P2RY6: variants seen among roughly 807,000 people sequenced by gnomAD.
P2RY6 encodes the protein pyrimidinergic receptor P2Y6, also known as P2Y purinoceptor 6.
P2RY6 carries 19 observed loss-of-function variants against 16.3 expected under a neutral mutation model. The observed-to-expected ratio is 1.16, with a 90% CI of 0.81 to 1.71. The LOEUF (loss-of-function observed/expected upper bound fraction) is 1.71, where lower values mean the gene tolerates loss of function less well. Ranked by LOEUF, P2RY6 falls within the 40% of genes most tolerant of loss-of-function variation. P2RY6 has a pLI of 0.00. For synonymous variants in P2RY6, 184 were observed against 201.5 expected, an observed-to-expected ratio of 0.91 and a Z score of 0.74; for missense variants, 389 against 455.5, an observed-to-expected ratio of 0.85 and a Z score of 1.33.
intron 1 of P2RY6, among the ~76,000 whole-genome samples, chr11:73,278,134 T>G (rs1863616084): frequency 1.3e-5 from 2 of 150,838 alleles, no homozygotes; most frequent in Admixed American, 6.7e-5. Context: ...CCACCATGCA[T>G]CTCCAGGACT....
intron 1 of P2RY6, among the ~76,000 whole-genome samples, chr11:73,290,095 C>A (rs927704262): frequency 1.3e-5 from 2 of 151,928 alleles, no homozygotes; most frequent in Non-Finnish European, 2.9e-5. Flanking sequence ...GTGGCACATG[C>A]CTGTACATCC....
chr11:73,298,249 C>T lies in P2RY6; in HGVS notation c.*744C>T, dbSNP rs1297890826. ...AGAAGTGGGGAGCACTTTAATGCAACCCAGGTATGCTCCATGCATATCCAG... is the reference window on the plus strand; with the variant it reads ...AGAAGTGGGGAGCACTTTAATGCAATCCAGGTATGCTCCATGCATATCCAG... On this transcript the variant is annotated 3_prime_UTR_variant, in exon 3 of 3. Coordinates refer to ENST00000540124, the MANE Select transcript of P2RY6 (RefSeq NM_001277204.2). 1 of 167,142 alleles carries T rather than the reference C, an allele frequency of 6.0e-6. No individual in the cohort carries two copies. The highest frequency in any genetic ancestry group is 2.4e-5 in the African/African-American group (1 of 41,432). 10.4% of individuals were successfully genotyped at this position (167,142 alleles called of 1,614,324 possible). A position where few individuals can be genotyped will look rare whatever the true frequency, so the allele number is the denominator to read the frequency against.
intron 1 of P2RY6, among the ~76,000 whole-genome samples, chr11:73,264,833 C>T (rs1407812223): frequency 6.6e-6 from 1 of 150,866 alleles, no homozygotes; most frequent in East Asian, 1.9e-4. Context: ...CCAGCCTGGG[C>T]GACAGAGCAA....
At chr11:73,291,937 C>T (rs1864268205) in intron 1 of P2RY6, among the ~76,000 whole-genome samples, 1 of 152,254 alleles carries the variant, frequency 6.6e-6, no homozygotes, top group Non-Finnish European at 1.5e-5. Context: ...CCCATGCCAC[C>T]TGCCTTGCTG....
chr11:73,293,228 C>T (rs1864340870), intron 1 of P2RY6, among the ~76,000 whole-genome samples: 1 of 151,832 alleles, frequency 6.6e-6, no homozygotes, highest in Admixed American at 6.5e-5. Context: ...GGGATTCTGG[C>T]TCTCTGGCTG....
chr11:73,287,804 G>A (rs1345359669), intron 1 of P2RY6, among the ~76,000 whole-genome samples: 1 of 152,268 alleles, frequency 6.6e-6, no homozygotes, highest in Non-Finnish European at 1.5e-5. Flanking sequence ...CTCCAGGGGA[G>A]AGTTTTTTAG....
upstream of P2RY6, among the ~76,000 whole-genome samples, chr11:73,271,237 C>G (rs1863293105): frequency 6.6e-6 from 1 of 152,148 alleles, no homozygotes; most frequent in South Asian, 2.1e-4. Context: ...TGGATTGGCG[C>G]TGGGGAGGGG....
rs1184047281 is a variant in P2RY6 at position 73,284,822 on chromosome 11, G to GA, written c.-120-10899dup. Among the ~76,000 whole-genome samples the GA allele has an allele frequency of 1.2e-3, 175 of 149,338 alleles. No individual in the cohort carries two copies. In the East Asian group the frequency reaches 0.016, roughly 14 times the overall value. The stretch of plus-strand genomic sequence containing the variant: ...CACCGTCCTAAGTACATGCAGCAGT[G>GA]AAAAAAAAACACGAAAACCCCTGCC... On this transcript the variant is annotated intron_variant, in intron 1 of 2. Transcript: ENST00000540124.
intron 1 of P2RY6, among the ~76,000 whole-genome samples, chr11:73,290,537 C>T (rs1368339122): frequency 6.6e-6 from 1 of 152,218 alleles, no homozygotes; most frequent in Non-Finnish European, 1.5e-5. Context: ...ATCTGAGGCC[C>T]CCTCTTTGCA....
chr11:73,291,369 G>A (rs555128964), intron 1 of P2RY6, among the ~76,000 whole-genome samples: 178 of 152,226 alleles, frequency 1.2e-3, no homozygotes, highest in Non-Finnish European at 2.3e-3. Context: ...ACAGTGACCC[G>A]CCCTGCTGGG....
chr11:73,270,917 G>T (rs943188820), upstream of P2RY6, among the ~76,000 whole-genome samples: 3 of 152,070 alleles, frequency 2.0e-5, no homozygotes, highest in African/African-American at 7.2e-5. Context: ...CTAGCTCTCC[G>T]CCCCTTACCC....
At chr11:73,275,993 T>C (rs12363628) in intron 1 of P2RY6, among the ~76,000 whole-genome samples, 20,057 of 152,232 alleles carry the variant, frequency 0.13, 1,385 homozygotes, top group Non-Finnish European at 0.16. Context: ...ATATAACTAG[T>C]AGATGCAGAG....
chr11:73,278,262 T>G (rs1863623891), intron 1 of P2RY6, among the ~76,000 whole-genome samples: 1 of 151,912 alleles, frequency 6.6e-6, no homozygotes, highest in Non-Finnish European at 1.5e-5. Context: ...ACCTCTGCCT[T>G]CCAGGTTCAA....
intron 1 of P2RY6, among the ~76,000 whole-genome samples, chr11:73,283,229 A>AC (rs1256319279): frequency 6.6e-6 from 1 of 152,106 alleles, no homozygotes; most frequent in Non-Finnish European, 1.5e-5. Context: ...CAGGGGCAGT[A>AC]ATCTGGGGAG....
Position 73,296,946 on chromosome 11 carries a change from C to T in P2RY6, c.428C>T (p.Ala143Val), listed in dbSNP as rs1864520248. 1 of 1,605,480 alleles carries T rather than the reference C, an allele frequency of 6.2e-7. No individual in the cohort carries two copies. Among genetic ancestry groups the T allele is most frequent in the Admixed American group, 1.7e-5 (1 of 60,000 alleles). ...APWHKRGGRR[A>V]AWLVCVAVWL... ...TGGCACAAACGTGGGGGCCGCCGGG[C>T]TGCCTGGCTAGTGTGTGTAGCCGTG... is the stretch of plus-strand genomic sequence containing the variant. The change falls in exon 3 of 3, where the codon GCT (alanine) becomes GTT (valine). Residue 143 changes from alanine (A) to valine (V), a missense_variant. Transcript: ENST00000540124.
At chr11:73,295,673 C>A in intron 1 of P2RY6, 57 bp from the exon 2 acceptor site, 1 of 688,928 alleles carries the variant, frequency 1.5e-6, no homozygotes, top group Non-Finnish European at 1.8e-6. Flanking sequence ...CCTTTGTAGC[C>A]TCAAGTGGAA....
chr11:73,271,058 C>G (rs1033902085), upstream of P2RY6, among the ~76,000 whole-genome samples: 8 of 152,196 alleles, frequency 5.3e-5, no homozygotes, highest in African/African-American at 1.9e-4. Context: ...TTTTTGACCT[C>G]AAGTGCGTTG....
intron 1 of P2RY6, among the ~76,000 whole-genome samples, chr11:73,266,426 G>T (rs564236862): frequency 6.6e-6 from 1 of 152,308 alleles, no homozygotes; most frequent in East Asian, 1.9e-4. Context: ...AGGAGCCTGG[G>T]TTGCCCTCTG....
upstream of P2RY6, chr11:73,272,247 C>A: frequency 1.6e-6 from 1 of 643,828 alleles, no homozygotes; most frequent in Non-Finnish European, 1.9e-6. Context: ...TCTCGGGATT[C>A]GAGTCCTGGC....
Sources: gnomAD v4.1 joint callset for allele counts (sites outside exome capture counted in the v4.1 genomes callset) on GRCh38, gnomAD v4.1.1 for gene constraint, MANE v1.5 for transcripts, NCBI Gene and HGNC (gene_info 2026-07-23, HGNC 2026-07-21) for gene names.